Variants in ACAD9 observed in about 807,000 individuals in gnomAD.
ACAD9 encodes the protein acyl-CoA dehydrogenase family member 9.
Under a neutral mutation model 70.2 loss-of-function variants are expected in ACAD9, and 53 were observed. The observed-to-expected ratio is 0.75, with a 90% CI of 0.61 to 0.95. ACAD9 has a LOEUF of 0.95. ACAD9 is among the 40% of genes least tolerant of loss of function. The pLI, the probability that ACAD9 is intolerant of heterozygous loss-of-function variation, is 0.00. For synonymous variants in ACAD9, 313 were observed against 312.1 expected, an observed-to-expected ratio of 1.00 and a Z score of -0.03; for missense variants, 777 against 802.8, an observed-to-expected ratio of 0.97 and a Z score of 0.39.
chr3:128,905,015 G>A (rs563057023), intron 11 of ACAD9, among the ~76,000 whole-genome samples: 47 of 151,996 alleles, frequency 3.1e-4, no homozygotes, highest in African/African-American at 1.1e-3. Context: ...GCATAGTGGC[G>A]GGCACCTGTA....
intron 3 of ACAD9, among the ~76,000 whole-genome samples, chr3:128,894,940 G>A (rs1462447945): frequency 6.9e-6 from 1 of 145,974 alleles, no homozygotes; most frequent in Non-Finnish European, 1.5e-5. Flanking sequence ...GCAGTGGTGC[G>A]ATCTTGGCTC....
Position 128,909,179 on chromosome 3 carries a change from G to C in ACAD9, c.1485+80G>C. On this transcript the variant is annotated intron_variant, in intron 14 of 17. Coordinates refer to ENST00000308982, the MANE Select transcript of ACAD9 (RefSeq NM_014049.5). ...CTTGTGGCAGAAAAGATCTCACTGT[G>C]GGGGGTCTGGGCTTCTCCAGGGGAA... The C allele has an allele frequency of 5.0e-6, 8 of 1,602,624 alleles. No homozygotes were observed. In the South Asian group the frequency reaches 6.7e-5, roughly 13 times the overall value.
chr3:128,901,850 G>A (rs1935749194), intron 8 of ACAD9, among the ~76,000 whole-genome samples: 2 of 152,136 alleles, frequency 1.3e-5, no homozygotes, highest in South Asian at 2.1e-4. Context: ...AAGAAATGTT[G>A]TACCATCCAG....
intron 1 of ACAD9, 42 bp from the exon 2 acceptor site, chr3:128,884,611 T>G: frequency 7.0e-7 from 1 of 1,429,862 alleles, no homozygotes; most frequent in South Asian, 1.2e-5. Context: ...GATGGGAGTG[T>G]GCTAAAAATT....
chr3:128,909,513 C>A, intron 15 of ACAD9, 92 bp downstream of exon 15: 2 of 1,341,324 alleles, frequency 1.5e-6, no homozygotes, highest in South Asian at 1.2e-5. Flanking sequence ...CCTTTGGGAC[C>A]AGGCCTAGAA....
Position 128,899,344 on chromosome 3 carries a change from G to A in ACAD9, c.691G>A (p.Val231Ile), listed in dbSNP as rs754712413. Reference protein sequence around the residue: ...NIFTVFAKTEVVDSDGSVKDK... With the variant: ...NIFTVFAKTEIVDSDGSVKDK... Reference sequence around the variant, plus strand: ...TTTTACTGTGTTTGCAAAGACTGAGGTCGTTGATTCTGATGGATCAGTGAA... The same window carrying A: ...TTTTACTGTGTTTGCAAAGACTGAGATCGTTGATTCTGATGGATCAGTGAA... The change falls in exon 7 of 18, where the codon GTC (valine) becomes ATC (isoleucine). Residue 231 changes from valine to isoleucine, a missense_variant. Coordinates refer to ENST00000308982, the MANE Select transcript of ACAD9 (RefSeq NM_014049.5). The A allele has an allele frequency of 1.9e-6, 3 of 1,614,250 alleles. No homozygotes were observed. The highest frequency in any genetic ancestry group is 3.3e-5 in the Admixed American group (2 of 60,024).
intron 2 of ACAD9, among the ~76,000 whole-genome samples, chr3:128,885,846 GTC>G (rs1325082548): frequency 6.6e-6 from 1 of 151,960 alleles, no homozygotes; most frequent in African/African-American, 2.4e-5. Context: ...GTGAAACCCT[GTC>G]TCTACTAAAA....
intron 2 of ACAD9, among the ~76,000 whole-genome samples, chr3:128,891,108 G>A (rs1450124792): frequency 1.3e-5 from 2 of 151,940 alleles, no homozygotes; most frequent in African/African-American, 2.4e-5. Context: ...TAAAGTGCTG[G>A]GATTATAGGC....
chr3:128,901,081 ATTGTT>A (rs1168191753), intron 7 of ACAD9, among the ~76,000 whole-genome samples, 190 bp from the exon 8 acceptor site: 1 of 152,100 alleles, frequency 6.6e-6, no homozygotes, highest in Non-Finnish European at 1.5e-5. Flanking sequence ...ACAATATTAC[ATTGTT>A]TTGTTTATAG....
At chr3:128,880,071 A>G (rs1255090014) in intron 1 of ACAD9, 23 of 1,495,436 alleles carry the variant, frequency 1.5e-5, no homozygotes, top group Non-Finnish European at 1.9e-5. Context: ...GACGTGTTCC[A>G]GCTAAATTTT....
intron 2 of ACAD9, among the ~76,000 whole-genome samples, chr3:128,885,322 T>TCTC (rs1333272694): frequency 6.6e-6 from 1 of 152,228 alleles, no homozygotes; most frequent in African/African-American, 2.4e-5. Context: ...AATAGTAGGA[T>TCTC]CCTGGAGAGC....
intron 2 of ACAD9, among the ~76,000 whole-genome samples, chr3:128,891,360 C>T (rs1354456669): frequency 1.3e-5 from 2 of 152,138 alleles, no homozygotes; most frequent in Non-Finnish European, 2.9e-5. Flanking sequence ...GTGGCTCATG[C>T]CCGTAATGCC....
intron 12 of ACAD9, among the ~76,000 whole-genome samples, chr3:128,907,183 C>T (rs917608897): frequency 1.3e-5 from 2 of 152,142 alleles, no homozygotes; most frequent in Admixed American, 6.5e-5. Flanking sequence ...CATCATCAGC[C>T]TCTGGGAGTG....
At chr3:128,898,513 CT>C (rs765544403) in intron 6 of ACAD9, 7 of 397,788 alleles carry the variant, frequency 1.8e-5, no homozygotes, top group Non-Finnish European at 3.3e-5. Context: ...TCAGGTGATT[CT>C]CCTACCTCAA....
At chr3:128,910,246 G>A (rs1486131920) in intron 16 of ACAD9, 97 bp downstream of exon 16, 7 of 1,577,242 alleles carry the variant, frequency 4.4e-6, no homozygotes, top group Admixed American at 3.6e-5. Flanking sequence ...GGTCGGGTGT[G>A]GGGGAGGCTG....
intron 1 of ACAD9, 78 bp downstream of exon 1, chr3:128,879,919 T>A: frequency 6.2e-7 from 1 of 1,608,736 alleles, no homozygotes; most frequent in Non-Finnish European, 8.5e-7. Context: ...TGTTGAACTT[T>A]GTGAGATTCC....
rs567263222 is a variant in ACAD9, at chr3:128,883,133, C to T, written c.151-1520C>T. On this transcript the variant is annotated intron_variant, in intron 1 of 17. Transcript: ENST00000308982. Reference sequence around the variant, plus strand: ...AGACAGTGTCTTACTCTGTTGCCCACCCTGGAGTGCAGTGGTGCAATCACA... The same window carrying T: ...AGACAGTGTCTTACTCTGTTGCCCATCCTGGAGTGCAGTGGTGCAATCACA... Among the ~76,000 whole-genome samples, 282 of 150,704 alleles carry T rather than the reference C, an allele frequency of 1.9e-3. 1 individual carries two copies. Among genetic ancestry groups the T allele is most frequent in the Non-Finnish European group, 2.6e-3 (178 of 67,732 alleles).
At chr3:128,891,154 A>G (rs1935410055) in intron 2 of ACAD9, among the ~76,000 whole-genome samples, 1 of 152,142 alleles carries the variant, frequency 6.6e-6, no homozygotes, top group Non-Finnish European at 1.5e-5. Context: ...TTTTTAAAAT[A>G]GGAAAAAAGG....
At chr3:128,908,834 G>C in intron 13 of ACAD9, 139 bp from the exon 14 acceptor site, 3 of 1,374,190 alleles carry the variant, frequency 2.2e-6, no homozygotes, top group East Asian at 2.4e-5. Context: ...GGTTTGGGGG[G>C]GTTCAGGCTG....
Sources: allele counts gnomAD v4.1 joint callset (sites outside exome capture counted in the v4.1 genomes callset), GRCh38; gene constraint gnomAD v4.1.1; transcripts MANE v1.5; gene names NCBI Gene and HGNC (gene_info 2026-07-23, HGNC 2026-07-21).